RNF32: variants seen among roughly 807,000 people sequenced by gnomAD.
RNF32 encodes the protein ring finger protein 32.
In RNF32, 36 loss-of-function variants were observed where a neutral mutation model predicts 41.0. That is an observed-to-expected ratio of 0.88 (90% CI 0.67 to 1.16). The LOEUF (loss-of-function observed/expected upper bound fraction) is 1.16. RNF32 is among the 50% of genes most tolerant of loss of function. The pLI is 0.00. For missense variants in RNF32, 413 were observed against 436.7 expected (o/e 0.95, Z 0.48); for synonymous variants, 154 against 160.9 (o/e 0.96, Z 0.32).
At chr7:156,659,121 T>C in intron 7 of RNF32, 2 of 1,348,714 alleles carry the variant, frequency 1.5e-6, no homozygotes, top group Non-Finnish European at 1.9e-6. Context: ...TTCCCATTCC[T>C]TGTCCCCATA....
chr7:156,643,131 T>C (rs563414674), intron 1 of RNF32: 1 of 152,198 alleles, frequency 6.6e-6, no homozygotes, highest in Non-Finnish European at 1.5e-5. Flanking sequence ...CTTCAAAGGT[T>C]GTCTCATTAA....
At chr7:156,652,449 G>A (rs1314182378) in intron 3 of RNF32, among the ~76,000 whole-genome samples, 3 of 152,032 alleles carry the variant, frequency 2.0e-5, no homozygotes, top group East Asian at 1.9e-4. Context: ...TTTTTCAGAT[G>A]TCACAACAAC....
chr7:156,657,402 G>A lies in RNF32; in HGVS notation c.418-139G>A, dbSNP rs557106071. 2.9e-5 allele frequency: 22 copies of A among 769,546 alleles called. 1 individual carries two copies. Among genetic ancestry groups the A allele is most frequent in the South Asian group, 2.7e-4 (18 of 65,560 alleles). The allele number at this position is 769,546 out of a possible 1,614,324, so 47.7% of individuals were successfully genotyped here. A position where few individuals can be genotyped will look rare whatever the true frequency, so the allele number is the denominator to read the frequency against. On this transcript the variant is annotated intron_variant, in intron 4 of 8. Coordinates refer to ENST00000317955, the MANE Select transcript of RNF32 (RefSeq NM_030936.4). ...TGCTGTGCTAAACAAACAATAAATA[G>A]TATAAATATCAAAGTTATTAATTTG... is the stretch of plus-strand genomic sequence containing the variant.
intron 1 of RNF32, among the ~76,000 whole-genome samples, chr7:156,642,026 C>T (rs1379634684): frequency 6.6e-6 from 1 of 152,222 alleles, no homozygotes; most frequent in Non-Finnish European, 1.5e-5. Context: ...TCTCTCCACT[C>T]ACGCCTTAGT....
chr7:156,655,410 G>A (rs576302797), intron 4 of RNF32, among the ~76,000 whole-genome samples: 20 of 152,280 alleles, frequency 1.3e-4, no homozygotes, highest in African/African-American at 4.8e-4. Context: ...GTGTGTGTGC[G>A]TGCACGTGCG....
intron 3 of RNF32, chr7:156,654,224 T>A (rs1003525221): frequency 1.3e-5 from 2 of 158,068 alleles, no homozygotes; most frequent in Non-Finnish European, 2.8e-5. Context: ...AAAATAACAA[T>A]ACAACAATAT....
intron 7 of RNF32, among the ~76,000 whole-genome samples, chr7:156,662,679 A>G (rs1386520878): frequency 6.6e-6 from 1 of 152,050 alleles, no homozygotes; most frequent in African/African-American, 2.4e-5. Context: ...TAAAATTACA[A>G]AATTGTTGTA....
intron 7 of RNF32, 24 bp from the exon 8 acceptor site, chr7:156,675,672 T>TTGGCGC: frequency 6.3e-7 from 1 of 1,599,404 alleles, no homozygotes; most frequent in Non-Finnish European, 8.6e-7. Context: ...GGTGTGAGCT[T>TTGGCGC]ACCCGCCCCC....
intron 7 of RNF32, 68 bp from the exon 8 acceptor site, chr7:156,675,628 C>G: frequency 7.2e-7 from 1 of 1,390,412 alleles, no homozygotes. Flanking sequence ...TGGTCAGGCT[C>G]GAGAGCGCTT....
intron 7 of RNF32, among the ~76,000 whole-genome samples, chr7:156,668,655 G>A (rs1238493396): frequency 2.0e-5 from 3 of 152,200 alleles, no homozygotes; most frequent in Non-Finnish European, 4.4e-5. Context: ...GTGTCTCCCG[G>A]AGTCCAGTGC....
intron 7 of RNF32, among the ~76,000 whole-genome samples, chr7:156,673,294 T>G (rs1363936774): frequency 1.3e-5 from 2 of 152,176 alleles, no homozygotes; most frequent in Admixed American, 6.5e-5. Context: ...TAAAAACAAT[T>G]TACAGAAAAC....
chr7:156,674,283 A>T (rs1803300446), intron 7 of RNF32, among the ~76,000 whole-genome samples: 1 of 152,200 alleles, frequency 6.6e-6, no homozygotes, highest in Admixed American at 6.5e-5. Context: ...GAACACCCAG[A>T]AGAGACATGA....
At chr7:156,676,205 C>T (rs1803962170) in intron 8 of RNF32, 2 of 1,461,964 alleles carry the variant, frequency 1.4e-6, no homozygotes, top group South Asian at 1.3e-5. Flanking sequence ...GGTTACTAAC[C>T]CTTTCCACAG....
chr7:156,645,272 G>A (rs1204996140), intron 3 of RNF32, among the ~76,000 whole-genome samples: 4 of 152,166 alleles, frequency 2.6e-5, no homozygotes, highest in South Asian at 4.1e-4. Context: ...CAGTTGTAAC[G>A]CTTGGCAAGC....
chr7:156,644,741 G>T lies in RNF32; in HGVS notation c.258G>T (p.Pro86=). The change falls in exon 3 of 9, where the codon CCG becomes CCT. Residue 86 remains proline (P), a synonymous_variant. Coordinates refer to ENST00000317955, the MANE Select transcript of RNF32 (RefSeq NM_030936.4). ...SEKEYVLDPK[P]PPLTLAQKLG... ...AAGAATATGTTCTTGATCCCAAACC[G>T]CCGCCGTTGACTTTGGGTAAGCTGA... 6.2e-7 allele frequency: 1 copy of T among 1,607,516 alleles called. No homozygotes were observed. Among genetic ancestry groups the T allele is most frequent in the Non-Finnish European group, 8.5e-7 (1 of 1,178,828 alleles).
chr7:156,644,649 A>G lies in RNF32; in HGVS notation c.166A>G (p.Thr56Ala), dbSNP rs1797759351. ...KKENKSLKRD[T>A]KAIIDTGLKK... ...AGAGAACAAATCTCTAAAAAGAGAT[A>G]CAAAGGCAATAATAGATACTGGACT... Residue 56 changes from threonine to alanine, a missense_variant, in exon 3 of 9, where the codon ACA (threonine) becomes GCA (alanine). By Grantham distance (58) the Thr-to-Ala change is moderately conservative (BLOSUM62 0). Transcript: ENST00000317955. 2 of 1,613,072 alleles carry G rather than the reference A, an allele frequency of 1.2e-6. No homozygotes were observed. Among genetic ancestry groups the G allele is most frequent in the African/African-American group, 2.7e-5 (2 of 75,018 alleles).
chr7:156,640,549 C>T (rs7788200), upstream of RNF32: 3 of 388,222 alleles, frequency 7.7e-6, no homozygotes, highest in South Asian at 5.5e-5. Context: ...CGTCTAGACG[C>T]TGACGCCGTG....
rs1201644227 is a variant in RNF32 at position 156,677,008 on chromosome 7, T to C, written c.*353T>C. The C allele has an allele frequency of 4.7e-6, 1 of 211,690 alleles. No individual in the cohort carries two copies. The highest frequency in any genetic ancestry group is 2.3e-5 in the African/African-American group (1 of 43,776). 13.1% of individuals were successfully genotyped at this position (211,690 alleles called of 1,614,324 possible). A position where few individuals can be genotyped will look rare whatever the true frequency, so the allele number is the denominator to read the frequency against. On this transcript the variant is annotated 3_prime_UTR_variant, in exon 9 of 9. Coordinates refer to ENST00000317955, the MANE Select transcript of RNF32 (RefSeq NM_030936.4). ...TAAAACACTCCTTAAGTTCCAAATG[T>C]TTTCCGCTAATAGTCTGTCCTAAAG...
In RNF32 at chr7:156,676,788, G is replaced by A. The variant is rs1425618084; in HGVS notation, c.*133G>A. On this transcript the variant is annotated 3_prime_UTR_variant, in exon 9 of 9. Transcript: ENST00000317955. ...GGGAAATAAGCTATTGGTAGTTGTA[G>A]GAAATCTTAGTATATTTTAAAAGCT... 1 of 657,334 alleles carries A rather than the reference G, an allele frequency of 1.5e-6. No individual in the cohort carries two copies. Among genetic ancestry groups the A allele is most frequent in the East Asian group, 2.6e-5 (1 of 37,952 alleles). The allele number at this position is 657,334 out of a possible 1,614,324, so 40.7% of individuals were successfully genotyped here.
Sources: allele counts gnomAD v4.1 joint callset (sites outside exome capture counted in the v4.1 genomes callset), GRCh38; gene constraint gnomAD v4.1.1; transcripts MANE v1.5; gene names NCBI Gene and HGNC (gene_info 2026-07-23, HGNC 2026-07-21).